NEGR1: variants seen among roughly 807,000 people sequenced by gnomAD.
The protein encoded by NEGR1 is neuronal growth regulator 1, also known as IgLON family member 4.
NEGR1 carries 10 observed loss-of-function variants against 40.9 expected under a neutral mutation model. The observed-to-expected ratio is 0.24, with a 90% CI of 0.15 to 0.42. The LOEUF (loss-of-function observed/expected upper bound fraction) is 0.42. Ranked by LOEUF, NEGR1 falls within the 10% of genes least tolerant of loss-of-function variation. The probability of loss-of-function intolerance (pLI) is 1.00; values close to 1 mark genes in which losing one functional copy is unlikely to be tolerated. For missense variants in NEGR1, 352 were observed against 438.9 expected (o/e 0.80, Z 1.77); for synonymous variants, 185 against 166.8 (o/e 1.11, Z -0.84).
intron 1 of NEGR1, among the ~76,000 whole-genome samples, chr1:71,978,077 G>A (rs1646322267): frequency 1.3e-5 from 2 of 150,392 alleles, no homozygotes; most frequent in African/African-American, 4.9e-5. Flanking sequence ...GTGTTTAAGA[G>A]AGAATAAGGC....
At chr1:71,619,478 C>T (rs1317751593) in intron 4 of NEGR1, among the ~76,000 whole-genome samples, 2 of 152,038 alleles carry the variant, frequency 1.3e-5, no homozygotes, top group African/African-American at 2.4e-5. Context: ...TAGATGTAAC[C>T]TTTCAATAAC....
intron 4 of NEGR1, among the ~76,000 whole-genome samples, chr1:71,639,866 G>C (rs550334246): frequency 3.3e-5 from 5 of 152,034 alleles, no homozygotes; most frequent in African/African-American, 1.2e-4. Flanking sequence ...AACCAATCAG[G>C]ACTTACAAGG....
At chr1:71,874,235 T>C (rs946532227) in intron 2 of NEGR1, among the ~76,000 whole-genome samples, 1 of 152,142 alleles carries the variant, frequency 6.6e-6, no homozygotes, top group Non-Finnish European at 1.5e-5. Context: ...TGACATTAAT[T>C]TGCACTTAGT....
At chr1:71,874,399 T>C (rs1201296827) in intron 2 of NEGR1, among the ~76,000 whole-genome samples, 1 of 152,114 alleles carries the variant, frequency 6.6e-6, no homozygotes, top group Admixed American at 6.6e-5. Context: ...ATAGTAATGG[T>C]ACATATTATC....
chr1:71,641,059 G>C (rs911013598), intron 4 of NEGR1, among the ~76,000 whole-genome samples: 5 of 152,054 alleles, frequency 3.3e-5, no homozygotes, highest in Non-Finnish European at 7.4e-5. Context: ...ACACAACAAA[G>C]TATGTAAATC....
At chr1:71,505,645 G>A (rs750057026) in intron 6 of NEGR1, among the ~76,000 whole-genome samples, 1 of 152,164 alleles carries the variant, frequency 6.6e-6, no homozygotes, top group Non-Finnish European at 1.5e-5. Context: ...GGATCTAAAC[G>A]ATGCATTTTG....
At chr1:71,541,135 A>T (rs1647691824) in intron 6 of NEGR1, among the ~76,000 whole-genome samples, 1 of 151,650 alleles carries the variant, frequency 6.6e-6, no homozygotes, top group Admixed American at 6.6e-5. Flanking sequence ...CTATATCAGA[A>T]TCAGACAGAC....
At chr1:71,474,717 C>A (rs1433024098) in intron 6 of NEGR1, among the ~76,000 whole-genome samples, 70 of 86,028 alleles carry the variant, frequency 8.1e-4, no homozygotes, top group African/African-American at 2.0e-3. Flanking sequence ...GACTCTATCT[C>A]AAAAAAAAAA....
At chr1:71,441,462 A>C (rs1438895195) in intron 6 of NEGR1, among the ~76,000 whole-genome samples, 1 of 152,160 alleles carries the variant, frequency 6.6e-6, no homozygotes, top group East Asian at 1.9e-4. Context: ...TCATTTTTGA[A>C]CCTAGACCAC....
intron 6 of NEGR1, chr1:71,484,746 A>G (rs1254835353): frequency 2.0e-5 from 3 of 151,766 alleles, no homozygotes; most frequent in African/African-American, 7.2e-5. Context: ...ATATAAGATC[A>G]TATAAATCTA....
At chr1:72,178,251 A>T (rs1413678708) in intron 1 of NEGR1, among the ~76,000 whole-genome samples, 1 of 152,040 alleles carries the variant, frequency 6.6e-6, no homozygotes, top group Non-Finnish European at 1.5e-5. Flanking sequence ...ATTATAAAAA[A>T]TCATATATGT....
intron 2 of NEGR1, among the ~76,000 whole-genome samples, chr1:71,860,739 G>C (rs1443734740): frequency 1.3e-5 from 2 of 151,966 alleles, no homozygotes; most frequent in African/African-American, 4.8e-5. Context: ...GAGTTAAAAA[G>C]TCTTTGGAGA....
At chr1:71,522,699 G>A (rs1038265819) in intron 6 of NEGR1, among the ~76,000 whole-genome samples, 2 of 148,896 alleles carry the variant, frequency 1.3e-5, no homozygotes, top group African/African-American at 4.9e-5. Flanking sequence ...TAGATAAAAT[G>A]CTGCTATTTT....
At chr1:71,747,068 A>G (rs2101682969) in intron 3 of NEGR1, among the ~76,000 whole-genome samples, 1 of 152,352 alleles carries the variant, frequency 6.6e-6, no homozygotes, top group Non-Finnish European at 1.5e-5. Flanking sequence ...AATTGAGTGT[A>G]GGAGGGAGGC....
At chr1:72,006,040 T>C (rs1240368405) in intron 1 of NEGR1, among the ~76,000 whole-genome samples, 6 of 152,232 alleles carry the variant, frequency 3.9e-5, no homozygotes, top group African/African-American at 1.2e-4. Flanking sequence ...GGCTACCAGA[T>C]TTGCCATTGT....
At chr1:71,985,428 A>T (rs1037581653) in intron 1 of NEGR1, among the ~76,000 whole-genome samples, 2 of 152,098 alleles carry the variant, frequency 1.3e-5, no homozygotes, top group African/African-American at 4.8e-5. Context: ...TTTAATCTTC[A>T]TAGGGTTGTG....
chr1:71,797,500 TA>T (rs1340357576), intron 2 of NEGR1, among the ~76,000 whole-genome samples: 4 of 152,198 alleles, frequency 2.6e-5, no homozygotes, highest in Non-Finnish European at 5.9e-5. Context: ...ACTTAAATTT[TA>T]TGATCCTCTA....
intron 2 of NEGR1, among the ~76,000 whole-genome samples, chr1:71,800,033 C>T (rs1295995019): frequency 1.3e-5 from 2 of 151,986 alleles, no homozygotes; most frequent in Admixed American, 6.6e-5. Context: ...TTTTAATGAT[C>T]GCCATTGTAA....
intron 6 of NEGR1, among the ~76,000 whole-genome samples, chr1:71,443,353 C>A (rs1646560625): frequency 6.6e-6 from 1 of 152,146 alleles, no homozygotes; most frequent in African/African-American, 2.4e-5. Context: ...CCATTATTTC[C>A]TGTATTACTT....
Sources: allele counts gnomAD v4.1 joint callset (sites outside exome capture counted in the v4.1 genomes callset), GRCh38; gene constraint gnomAD v4.1.1; transcripts MANE v1.5; gene names NCBI Gene and HGNC (gene_info 2026-07-23, HGNC 2026-07-21).